The following CLVS2 variants were observed in gnomAD, a reference collection of about 807,000 sequenced individuals.
CLVS2 encodes the protein clavesin-2.
CLVS2 carries 19 observed loss-of-function variants against 29.0 expected under a neutral mutation model. The ratio of observed to expected loss-of-function variants is 0.66; its 90% confidence interval spans 0.46 to 0.96. The LOEUF is 0.96. CLVS2 is among the 40% of genes least tolerant of loss of function. The pLI, the probability that CLVS2 is intolerant of heterozygous loss-of-function variation, is 0.00. For synonymous variants in CLVS2, 161 were observed against 151.3 expected (o/e 1.06, Z -0.47); for missense variants, 294 against 404.1 (o/e 0.73, Z 2.34).
At chr6:123,038,603 T>G in intron 3 of CLVS2, among the ~76,000 whole-genome samples, 1 of 152,306 alleles carries the variant, frequency 6.6e-6, no homozygotes, top group Non-Finnish European at 1.5e-5. Context: ...ACAAATTTAA[T>G]CAGGTTAATA....
chr6:123,038,864 C>G (rs1384299686), intron 3 of CLVS2, among the ~76,000 whole-genome samples: 3 of 152,122 alleles, frequency 2.0e-5, no homozygotes, highest in African/African-American at 7.2e-5. Flanking sequence ...AACAAACATT[C>G]TTGCACAAAA....
chr6:123,034,471 G>A (rs1775122913), intron 3 of CLVS2, among the ~76,000 whole-genome samples: 1 of 152,062 alleles, frequency 6.6e-6, no homozygotes, highest in African/African-American at 2.4e-5. Flanking sequence ...ATCTCAAAAG[G>A]CAGCATACTG....
At chr6:123,053,007 G>A (rs750117649) in intron 4 of CLVS2, among the ~76,000 whole-genome samples, 5 of 143,790 alleles carry the variant, frequency 3.5e-5, no homozygotes, top group African/African-American at 5.3e-5. Context: ...AGTTAAAGAA[G>A]AGAAAAAATC....
intron 2 of CLVS2, 135 bp from the exon 3 acceptor site, chr6:123,010,850 G>T: frequency 3.9e-6 from 2 of 512,852 alleles, no homozygotes; most frequent in Non-Finnish European, 6.5e-6. Flanking sequence ...TCCTAAAATA[G>T]GTTTTTAAAC....
At chr6:123,004,914 CAAAACAAAAACA>C (rs753260568) in intron 2 of CLVS2, among the ~76,000 whole-genome samples, 5 of 141,240 alleles carry the variant, frequency 3.5e-5, no homozygotes, top group Non-Finnish European at 3.1e-5. Flanking sequence ...ACTCCATCTC[CAAAACAAAAACA>C]AAAACAAAAA....
In CLVS2 at chr6:123,067,009, G is replaced by C. The variant is rs975518704; in HGVS notation, c.*3248G>C. ...TTTTGCAAGCAAGTTTTTGAAGTGG[G>C]CATGCATGAATTCTTTCATTTCAGT... On this transcript the variant is annotated 3_prime_UTR_variant, in exon 6 of 6. Coordinates refer to ENST00000275162, the MANE Select transcript of CLVS2 (RefSeq NM_001010852.4). 4 of 151,696 alleles carry C rather than the reference G, an allele frequency of 2.6e-5. No homozygotes were observed. The highest frequency in any genetic ancestry group is 7.2e-5 in the African/African-American group (3 of 41,384). The allele number at this position is 151,696 out of a possible 1,614,324, so 9.4% of individuals were successfully genotyped here. A position where few individuals can be genotyped will look rare whatever the true frequency, so the allele number is the denominator to read the frequency against.
intron 4 of CLVS2, among the ~76,000 whole-genome samples, chr6:123,053,250 A>G (rs2114360210): frequency 6.6e-6 from 1 of 152,268 alleles, no homozygotes; most frequent in African/African-American, 2.4e-5. Context: ...AGGCTGAGGC[A>G]GGAGAATCGC....
rs183969810 is a variant in CLVS2, at chr6:123,044,696, G to A, written c.565-3926G>A. 1.8e-3 allele frequency among the ~76,000 whole-genome samples: 272 copies of A among 152,218 alleles called. 6 individuals are homozygous for A. The East Asian group carries it at 0.041, about 23-fold the overall frequency. Reference sequence around the variant, plus strand: ...ATCTGCATTTGTCTCGGCTGGTAGAGGGATGATTTCTAGTCTTGTCTTTGT... The same window carrying A: ...ATCTGCATTTGTCTCGGCTGGTAGAAGGATGATTTCTAGTCTTGTCTTTGT... On this transcript the variant is annotated intron_variant, in intron 3 of 5. Coordinates refer to ENST00000275162, the MANE Select transcript of CLVS2 (RefSeq NM_001010852.4).
chr6:123,013,657 T>A (rs1376214855), intron 3 of CLVS2, among the ~76,000 whole-genome samples: 1 of 152,100 alleles, frequency 6.6e-6, no homozygotes, highest in East Asian at 1.9e-4. Flanking sequence ...TTATTTTATT[T>A]TTTTATTTTA....
intron 2 of CLVS2, among the ~76,000 whole-genome samples, chr6:122,998,455 G>A (rs535426658): frequency 1.3e-5 from 2 of 152,218 alleles, no homozygotes; most frequent in South Asian, 4.1e-4. Flanking sequence ...TGTAAATAAA[G>A]CTTCTCTGTA....
intron 2 of CLVS2, among the ~76,000 whole-genome samples, chr6:123,008,012 T>G (rs1774693577): frequency 6.6e-6 from 1 of 152,130 alleles, no homozygotes; most frequent in South Asian, 2.1e-4. Context: ...ATGCTACATT[T>G]CTTTGGAAGA....
At chr6:123,018,776 G>C (rs1038762605) in intron 3 of CLVS2, among the ~76,000 whole-genome samples, 1 of 151,328 alleles carries the variant, frequency 6.6e-6, no homozygotes, top group African/African-American at 2.4e-5. Context: ...TTCATCCTGG[G>C]ATACCATTTG....
intron 2 of CLVS2, among the ~76,000 whole-genome samples, chr6:123,004,011 T>C (rs1025254498): frequency 1.3e-5 from 2 of 152,130 alleles, no homozygotes; most frequent in African/African-American, 4.8e-5. Flanking sequence ...AAGGCAAATG[T>C]ATAAAAAAAA....
chr6:123,030,818 A>AATATAT (rs34549391), intron 3 of CLVS2, among the ~76,000 whole-genome samples: 93 of 137,628 alleles, frequency 6.8e-4, no homozygotes, highest in African/African-American at 2.5e-3. Context: ...TAGTAAGGAG[A>AATATAT]ATATATATAT....
At chr6:123,016,340 G>T (rs533831543) in intron 3 of CLVS2, among the ~76,000 whole-genome samples, 311 of 15,106 alleles carry the variant, frequency 0.021, 2 homozygotes, top group African/African-American at 0.068. Flanking sequence ...TGCTTTTTTT[G>T]GGGGGGAGGG....
chr6:123,049,624 C>T (rs1367120006), intron 4 of CLVS2, among the ~76,000 whole-genome samples: 4 of 152,250 alleles, frequency 2.6e-5, no homozygotes, highest in Admixed American at 1.3e-4. Context: ...TCCCAGTTTT[C>T]GAATGATTAG....
At chr6:123,040,680 C>G (rs1372083109) in intron 3 of CLVS2, among the ~76,000 whole-genome samples, 1 of 151,694 alleles carries the variant, frequency 6.6e-6, no homozygotes, top group Non-Finnish European at 1.5e-5. Flanking sequence ...GTAAGCCCAG[C>G]TACTCGGGAG....
intron 3 of CLVS2, among the ~76,000 whole-genome samples, chr6:123,018,068 G>C (rs1774862758): frequency 6.6e-6 from 1 of 152,052 alleles, no homozygotes; most frequent in Non-Finnish European, 1.5e-5. Flanking sequence ...ACAAAGGAAA[G>C]AAGAAAATAA....
intron 1 of CLVS2, 100 bp from the exon 2 acceptor site, chr6:122,997,119 A>T (rs1774520544): frequency 6.3e-6 from 1 of 159,316 alleles, no homozygotes; most frequent in Admixed American, 6.5e-5. Context: ...TAAATCACAC[A>T]AATTTGTCTT....
Sources: allele counts gnomAD v4.1 joint callset (sites outside exome capture counted in the v4.1 genomes callset), GRCh38; gene constraint gnomAD v4.1.1; transcripts MANE v1.5; gene names NCBI Gene and HGNC (gene_info 2026-07-23, HGNC 2026-07-21).